The following RANBP9 variants were observed in gnomAD, a reference collection of about 807,000 sequenced individuals.
The protein encoded by RANBP9 is ran-binding protein 9.
In RANBP9, 15 loss-of-function variants were observed where a neutral mutation model predicts 84.3. The ratio of observed to expected loss-of-function variants is 0.18; its 90% CI spans 0.12 to 0.27. RANBP9 has a LOEUF of 0.27. Among genes scored for constraint, RANBP9 ranks in the 10% least tolerant of loss-of-function variants. RANBP9 has a pLI of 1.00. For synonymous variants in RANBP9, 392 were observed against 349.6 expected (o/e 1.12, Z -1.35); for missense variants, 809 against 912.8 (o/e 0.89, Z 1.46).
At chr6:13,702,019 C>T (rs753042452) in intron 1 of RANBP9, among the ~76,000 whole-genome samples, 2 of 152,212 alleles carry the variant, frequency 1.3e-5, no homozygotes, top group Admixed American at 6.5e-5. Context: ...CTAATCTCTC[C>T]TTCCCCTCAA....
chr6:13,693,447 T>G (rs773794834), intron 2 of RANBP9, among the ~76,000 whole-genome samples: 1 of 152,180 alleles, frequency 6.6e-6, no homozygotes, highest in Non-Finnish European at 1.5e-5. Flanking sequence ...ACACTGCTGG[T>G]AGAAATGCAA....
chr6:13,696,622 G>C (rs888800546), intron 2 of RANBP9, among the ~76,000 whole-genome samples, 163 bp downstream of exon 2: 1 of 152,152 alleles, frequency 6.6e-6, no homozygotes. Flanking sequence ...ACTTCAGCTA[G>C]TATTTAAGCA....
rs1158525793 is a variant in RANBP9 at position 13,702,474 on chromosome 6, C to T, written c.572-5578G>A. ...AAAATGTTAAATTTTGTATACATTT[C>T]CTGGAACACCATACCTTGGACTAAT... On this transcript the variant is annotated intron_variant, in intron 1 of 13. Coordinates refer to ENST00000011619, the MANE Select transcript of RANBP9 (RefSeq NM_005493.3). Among the ~76,000 whole-genome samples the T allele has an allele frequency of 4.6e-5, 7 of 152,256 alleles. No individual in the cohort carries two copies. In the South Asian group the frequency reaches 1.2e-3, roughly 27 times the overall value.
At chr6:13,650,351 TTC>T (rs535650710) in intron 5 of RANBP9, among the ~76,000 whole-genome samples, 4 of 152,116 alleles carry the variant, frequency 2.6e-5, no homozygotes, top group Non-Finnish European at 5.9e-5. Context: ...TAATTTTGAT[TTC>T]TGTTTTTTCC....
At chr6:13,700,047 C>T (rs920952496) in intron 1 of RANBP9, among the ~76,000 whole-genome samples, 28 of 152,114 alleles carry the variant, frequency 1.8e-4, no homozygotes, top group African/African-American at 6.3e-4. Flanking sequence ...AAAGTTTAAA[C>T]TTTTAAAACT....
In RANBP9 at chr6:13,622,305, T is replaced by TC; in HGVS notation, c.*56dup. The TC allele has an allele frequency of 2.1e-6, 3 of 1,407,042 alleles. No homozygotes were observed. Among genetic ancestry groups the TC allele is most frequent in the South Asian group, 1.8e-5 (1 of 54,206 alleles). 87.2% of individuals were successfully genotyped at this position (1,407,042 alleles called of 1,614,324 possible). On this transcript the variant is annotated 3_prime_UTR_variant, in exon 14 of 14. Coordinates refer to ENST00000011619, the MANE Select transcript of RANBP9 (RefSeq NM_005493.3). The stretch of plus-strand genomic sequence containing the variant: ...CTAAATTTCAAATCAGCAGAGCTGG[T>TC]CTACTTCCATGTTGACTATATGCCA...
intron 1 of RANBP9, among the ~76,000 whole-genome samples, chr6:13,698,331 G>A (rs938573332): frequency 6.6e-6 from 1 of 152,154 alleles, no homozygotes; most frequent in Non-Finnish European, 1.5e-5. Flanking sequence ...ATATGATGCA[G>A]GTAATAGATT....
At chr6:13,638,024 T>A in intron 9 of RANBP9, 69 bp from the exon 10 acceptor site, 1 of 1,394,628 alleles carries the variant, frequency 7.2e-7, no homozygotes, top group East Asian at 2.4e-5. Flanking sequence ...TAAACAAGTC[T>A]CCATGTTGAT....
chr6:13,628,204 T>C (rs1764676364), intron 12 of RANBP9, among the ~76,000 whole-genome samples: 1 of 150,188 alleles, frequency 6.7e-6, no homozygotes, highest in African/African-American at 2.5e-5. Flanking sequence ...GTTACCAATC[T>C]AAATGTTAAG....
At chr6:13,687,598 C>G (rs1766220002) in intron 2 of RANBP9, among the ~76,000 whole-genome samples, 1 of 152,096 alleles carries the variant, frequency 6.6e-6, no homozygotes, top group Admixed American at 6.6e-5. Flanking sequence ...ATTCTCTCAA[C>G]AACTACCTTT....
At chr6:13,682,083 A>T (rs2113330874) in intron 2 of RANBP9, among the ~76,000 whole-genome samples, 1 of 152,232 alleles carries the variant, frequency 6.6e-6, no homozygotes, top group African/African-American at 2.4e-5. Context: ...GCTGGTCTCG[A>T]ACTCCTGACC....
chr6:13,657,003 G>C (rs1765414203), intron 4 of RANBP9, 106 bp downstream of exon 4: 1 of 1,037,746 alleles, frequency 9.6e-7, no homozygotes, highest in Non-Finnish European at 1.4e-6. Context: ...CATTTCCAGA[G>C]GCATCCATCT....
intron 10 of RANBP9, among the ~76,000 whole-genome samples, chr6:13,635,653 G>C (rs1372871692): frequency 6.6e-6 from 1 of 151,460 alleles, no homozygotes. Context: ...AGGGAAAAGG[G>C]GGATATGGCC....
At chr6:13,640,175 A>C (rs543182852) in intron 8 of RANBP9, among the ~76,000 whole-genome samples, 20 of 152,284 alleles carry the variant, frequency 1.3e-4, no homozygotes, top group Admixed American at 3.9e-4. Flanking sequence ...CCAACCTCTT[A>C]ACCAAAATGG....
chr6:13,699,203 CCATA>C (rs1372400481), intron 1 of RANBP9, among the ~76,000 whole-genome samples: 2 of 152,058 alleles, frequency 1.3e-5, no homozygotes, highest in Non-Finnish European at 2.9e-5. Context: ...AATTAAAATC[CCATA>C]CATTTTTCCA....
chr6:13,700,326 AG>A (rs1463393476), intron 1 of RANBP9, among the ~76,000 whole-genome samples: 2 of 152,158 alleles, frequency 1.3e-5, no homozygotes, highest in African/African-American at 4.8e-5. Flanking sequence ...TCTTTGGCCT[AG>A]GAAAAAGACA....
intron 2 of RANBP9, among the ~76,000 whole-genome samples, chr6:13,673,856 G>A (rs965540518): frequency 6.6e-6 from 1 of 152,142 alleles, no homozygotes; most frequent in African/African-American, 2.4e-5. Context: ...GCCGAGGCAG[G>A]AGGATCACTT....
At chr6:13,671,641 G>T (rs191172707) in intron 2 of RANBP9, among the ~76,000 whole-genome samples, 1 of 152,234 alleles carries the variant, frequency 6.6e-6, no homozygotes, top group Admixed American at 6.5e-5. Flanking sequence ...ACTGGGAGGA[G>T]TGAGTGTTTT....
chr6:13,694,644 G>A (rs978297056), intron 2 of RANBP9, among the ~76,000 whole-genome samples: 1 of 152,106 alleles, frequency 6.6e-6, no homozygotes, highest in Admixed American at 6.6e-5. Context: ...AATATTAATT[G>A]GAAAATTCCA....
Sources: allele counts gnomAD v4.1 joint callset (sites outside exome capture counted in the v4.1 genomes callset), GRCh38; gene constraint gnomAD v4.1.1; transcripts MANE v1.5; gene names NCBI Gene and HGNC (gene_info 2026-07-23, HGNC 2026-07-21).